The following NCK2 variants were observed in gnomAD, a reference collection of about 807,000 sequenced individuals.
NCK2 encodes the protein cytoplasmic protein NCK2.
NCK2 carries 16 observed loss-of-function variants against 33.9 expected under a neutral mutation model. The observed-to-expected ratio is 0.47, with a 90% CI of 0.32 to 0.72. The LOEUF is 0.72. Ranked by LOEUF, NCK2 falls within the 30% of genes least tolerant of loss-of-function variation. The pLI is 0.03. For synonymous variants in NCK2, 273 were observed against 239.9 expected (o/e 1.14, Z -1.27); for missense variants, 418 against 537.3 (o/e 0.78, Z 2.19).
chr2:105,791,408 T>C (rs1340889108), intron 1 of NCK2, among the ~76,000 whole-genome samples: 1 of 150,052 alleles, frequency 6.7e-6, no homozygotes, highest in African/African-American at 2.5e-5. Context: ...GCTTTCACGA[T>C]GGGAGGATAT....
At chr2:105,888,556 C>T (rs917412058) in intron 4 of NCK2, among the ~76,000 whole-genome samples, 2 of 152,174 alleles carry the variant, frequency 1.3e-5, no homozygotes, top group Admixed American at 1.3e-4. Flanking sequence ...GTGTCCTGTC[C>T]ATCTATGATG....
At chr2:105,808,932 G>T (rs1675189077) in intron 1 of NCK2, among the ~76,000 whole-genome samples, 1 of 152,172 alleles carries the variant, frequency 6.6e-6, no homozygotes, top group Admixed American at 6.5e-5. Flanking sequence ...ATCTTGTGAG[G>T]GCTGGGGTGT....
chr2:105,782,218 A>G (rs1690522340), intron 1 of NCK2, among the ~76,000 whole-genome samples: 2 of 152,272 alleles, frequency 1.3e-5, no homozygotes, highest in South Asian at 4.1e-4. Flanking sequence ...GTCTGGCTGT[A>G]GGCAGGCGGG....
chr2:105,761,988 T>C (rs1217736631), intron 1 of NCK2, among the ~76,000 whole-genome samples: 3 of 152,246 alleles, frequency 2.0e-5, no homozygotes, highest in Non-Finnish European at 2.9e-5. Flanking sequence ...TTTGATACAT[T>C]TTAAAAATAT....
At chr2:105,755,472 C>G (rs34110097) in intron 1 of NCK2, among the ~76,000 whole-genome samples, 1 of 152,046 alleles carries the variant, frequency 6.6e-6, no homozygotes, top group Non-Finnish European at 1.5e-5. Context: ...ATTCCGTCTT[C>G]CATAAGAAGT....
intron 4 of NCK2, among the ~76,000 whole-genome samples, chr2:105,891,161 A>T (rs1308409230): frequency 6.6e-6 from 1 of 151,868 alleles, no homozygotes; most frequent in Non-Finnish European, 1.5e-5. Context: ...GCATACTCTC[A>T]CACACTCTCA....
intron 1 of NCK2, among the ~76,000 whole-genome samples, chr2:105,801,759 G>T (rs925339276): frequency 6.6e-6 from 1 of 151,992 alleles, no homozygotes. Context: ...AGTCATTTTC[G>T]TGTCCACTCG....
At chr2:105,752,468 G>A (rs1689482563) in intron 1 of NCK2, among the ~76,000 whole-genome samples, 2 of 152,162 alleles carry the variant, frequency 1.3e-5, no homozygotes, top group Admixed American at 6.5e-5. Context: ...AGTTACCAGT[G>A]TAAAATAACA....
At chr2:105,785,514 A>G (rs1690645327) in intron 1 of NCK2, among the ~76,000 whole-genome samples, 1 of 152,200 alleles carries the variant, frequency 6.6e-6, no homozygotes, top group Non-Finnish European at 1.5e-5. Flanking sequence ...ACAAAATCTA[A>G]TGCAGCCTGC....
chr2:105,813,950 A>G (rs1344055004), intron 1 of NCK2, among the ~76,000 whole-genome samples: 1 of 152,202 alleles, frequency 6.6e-6, no homozygotes, highest in African/African-American at 2.4e-5. Context: ...AGAGAAAAGC[A>G]CACACTCCTT....
At chr2:105,822,696 G>A (rs764292037) in intron 2 of NCK2, among the ~76,000 whole-genome samples, 3 of 151,902 alleles carry the variant, frequency 2.0e-5, no homozygotes, top group East Asian at 1.9e-4. Context: ...TGTACCCCTC[G>A]ACCTTCTTTT....
At chr2:105,793,007 A>T (rs1289854144) in intron 1 of NCK2, among the ~76,000 whole-genome samples, 5 of 151,992 alleles carry the variant, frequency 3.3e-5, no homozygotes, top group African/African-American at 1.2e-4. Flanking sequence ...TAATGGTGGG[A>T]TTCTTTCCTG....
chr2:105,752,555 T>C (rs139267126), intron 1 of NCK2, among the ~76,000 whole-genome samples: 53 of 152,296 alleles, frequency 3.5e-4, no homozygotes, highest in Middle Eastern at 6.8e-3. Flanking sequence ...AAAACAACAT[T>C]GTATACAGTG....
chr2:105,806,238 C>CTTTTTT (rs56141591), intron 1 of NCK2, among the ~76,000 whole-genome samples: 5 of 135,976 alleles, frequency 3.7e-5, no homozygotes, highest in East Asian at 2.1e-4. Context: ...CATTTTCTTT[C>CTTTTTT]TTTTTTTTTT....
chr2:105,769,812 C>T (rs1420332587), intron 1 of NCK2, among the ~76,000 whole-genome samples: 2 of 152,154 alleles, frequency 1.3e-5, no homozygotes, highest in Non-Finnish European at 2.9e-5. Flanking sequence ...GAAGGTAAAC[C>T]GGAGAAAAAC....
intron 2 of NCK2, among the ~76,000 whole-genome samples, chr2:105,844,456 G>T (rs1452779962): frequency 1.3e-5 from 2 of 151,932 alleles, no homozygotes; most frequent in Non-Finnish European, 2.9e-5. Flanking sequence ...AGGCATGGTG[G>T]CTCACGCCTG....
At chr2:105,862,636 A>G (rs1281610872) in intron 3 of NCK2, among the ~76,000 whole-genome samples, 1 of 152,208 alleles carries the variant, frequency 6.6e-6, no homozygotes, top group Non-Finnish European at 1.5e-5. Context: ...GTAACTAGCA[A>G]GCCTTGAAGG....
intron 1 of NCK2, among the ~76,000 whole-genome samples, chr2:105,791,581 C>T (rs902081853): frequency 4.6e-5 from 7 of 152,200 alleles, no homozygotes; most frequent in Non-Finnish European, 1.5e-5. Context: ...TTTTAGAGCA[C>T]TCTTGTGTTC....
chr2:105,834,568 G>A (rs189324798), intron 2 of NCK2, among the ~76,000 whole-genome samples: 1 of 150,690 alleles, frequency 6.6e-6, no homozygotes, highest in African/African-American at 2.4e-5. Context: ...TTTGTAAGCA[G>A]CATATAGTTA....
Sources: gnomAD v4.1 joint callset for allele counts (sites outside exome capture counted in the v4.1 genomes callset) on GRCh38, gnomAD v4.1.1 for gene constraint, MANE v1.5 for transcripts, NCBI Gene and HGNC (gene_info 2026-07-23, HGNC 2026-07-21) for gene names.